HECW2: variants seen among roughly 807,000 people sequenced by gnomAD.
HECW2 encodes the protein HECT, C2 and WW domain containing E3 ubiquitin protein ligase 2.
HECW2 carries 61 observed loss-of-function variants against 175.2 expected under a neutral mutation model. The ratio of observed to expected loss-of-function variants is 0.35; its 90% CI spans 0.28 to 0.43. The LOEUF (loss-of-function observed/expected upper bound fraction) is 0.43, where lower values mean the gene tolerates loss of function less well. Among genes scored for constraint, HECW2 ranks in the 20% least tolerant of loss-of-function variants. HECW2 has a pLI of 1.00. For missense variants in HECW2, 1,524 were observed against 2,000.5 expected (o/e 0.76, Z 4.54); for synonymous variants, 671 against 731.0 (o/e 0.92, Z 1.32).
intron 2 of HECW2, among the ~76,000 whole-genome samples, chr2:196,396,947 T>TA (rs1694683185): frequency 6.6e-6 from 1 of 151,180 alleles, no homozygotes; most frequent in Non-Finnish European, 1.5e-5. Context: ...CCATCTCTAC[T>TA]AAAAATACAA....
intron 23 of HECW2, among the ~76,000 whole-genome samples, chr2:196,224,050 A>G (rs1391364566): frequency 6.6e-6 from 1 of 152,178 alleles, no homozygotes; most frequent in African/African-American, 2.4e-5. Flanking sequence ...GTTCAGTGGG[A>G]AAAAGTACCA....
intron 17 of HECW2, among the ~76,000 whole-genome samples, chr2:196,262,845 T>G (rs532850508): frequency 6.6e-6 from 1 of 152,216 alleles, no homozygotes; most frequent in South Asian, 2.1e-4. Flanking sequence ...AGGCACGAGC[T>G]ATGGTGCTCA....
rs763908067 is a variant in HECW2, at chr2:196,320,467, C to T, written c.885-28G>A. 94 of 1,463,302 alleles carry T rather than the reference C, an allele frequency of 6.4e-5. 3 individuals are homozygous for T. In the Middle Eastern group the frequency reaches 6.6e-3, roughly 102 times the overall value. The allele number at this position is 1,463,302 out of a possible 1,614,324, so 90.6% of individuals were successfully genotyped here. On this transcript the variant is annotated intron_variant, in intron 7 of 28. Transcript: ENST00000644978. ...GCAAGAAGAGAAATGCTTCTTTCATCCTGACTACGCTGGAGTCAGCCTTCG... is the reference window on the plus strand; with the variant it reads ...GCAAGAAGAGAAATGCTTCTTTCATTCTGACTACGCTGGAGTCAGCCTTCG...
At chr2:196,519,866 T>A (rs1688289389) in intron 1 of HECW2, among the ~76,000 whole-genome samples, 1 of 152,206 alleles carries the variant, frequency 6.6e-6, no homozygotes, top group South Asian at 2.1e-4. Flanking sequence ...CCAGGGGTAA[T>A]CAACTGACTA....
At chr2:196,508,792 C>A (rs920724857) in intron 1 of HECW2, among the ~76,000 whole-genome samples, 1 of 152,184 alleles carries the variant, frequency 6.6e-6, no homozygotes, top group Non-Finnish European at 1.5e-5. Flanking sequence ...AAACTTCATT[C>A]TTTCCTTTCA....
chr2:196,290,436 T>C (rs755576629), intron 14 of HECW2: 3 of 152,438 alleles, frequency 2.0e-5, no homozygotes, highest in Non-Finnish European at 4.4e-5. Flanking sequence ...TCTGGCAAGT[T>C]ATGACTGGCA....
chr2:196,532,671 TA>T (rs112896110), intron 1 of HECW2, among the ~76,000 whole-genome samples: 8,851 of 150,542 alleles, frequency 0.059, 861 homozygotes, highest in African/African-American at 0.2. Context: ...AAGTTAATAT[TA>T]AAAAAAAAAT....
chr2:196,294,815 A>C (rs538140713), intron 13 of HECW2, among the ~76,000 whole-genome samples: 1 of 152,296 alleles, frequency 6.6e-6, no homozygotes, highest in African/African-American at 2.4e-5. Flanking sequence ...GATGCTCCCC[A>C]GCCTGGCTCT....
chr2:196,271,729 A>G (rs1486559576), intron 16 of HECW2, among the ~76,000 whole-genome samples: 2 of 152,212 alleles, frequency 1.3e-5, no homozygotes, highest in Non-Finnish European at 1.5e-5. Flanking sequence ...ACATAGTGAG[A>G]ACTTGTTTCT....
chr2:196,325,199 G>A, intron 5 of HECW2, 50 bp from the exon 6 acceptor site: 1 of 1,409,552 alleles, frequency 7.1e-7, no homozygotes, highest in Non-Finnish European at 9.6e-7. Context: ...AAGCAGGAGG[G>A]AGGGAGGAAA....
At chr2:196,490,873 T>C (rs1687162050) in intron 1 of HECW2, among the ~76,000 whole-genome samples, 1 of 152,164 alleles carries the variant, frequency 6.6e-6, no homozygotes, top group African/African-American at 2.4e-5. Flanking sequence ...ATATATTGTA[T>C]GATTCTAGTT....
At chr2:196,521,282 C>CAAAAAAAAAAA (rs1158051512) in intron 1 of HECW2, among the ~76,000 whole-genome samples, 86 of 53,590 alleles carry the variant, frequency 1.6e-3, no homozygotes, top group Middle Eastern at 0.017. Flanking sequence ...ACGTGAGTAA[C>CAAAAAAAAAAA]AAAAAAAAAA....
At chr2:196,523,873 T>C (rs1688521641) in intron 1 of HECW2, among the ~76,000 whole-genome samples, 1 of 152,152 alleles carries the variant, frequency 6.6e-6, no homozygotes, top group African/African-American at 2.4e-5. Context: ...CTGGATTCGT[T>C]TTGCCAGTAT....
chr2:196,395,423 A>C (rs1438054891), intron 2 of HECW2, among the ~76,000 whole-genome samples: 1 of 152,200 alleles, frequency 6.6e-6, no homozygotes, highest in Non-Finnish European at 1.5e-5. Context: ...ATGGAAAAGC[A>C]ATATACAGAA....
chr2:196,394,902 C>T (rs1464583959), intron 2 of HECW2, among the ~76,000 whole-genome samples: 1 of 152,134 alleles, frequency 6.6e-6, no homozygotes, highest in Non-Finnish European at 1.5e-5. Flanking sequence ...TCTCATTTCC[C>T]TCTGAAGGCT....
rs372217836 is a variant in HECW2, at chr2:196,325,115, G to A, written c.606C>T (p.Phe202=). 3.7e-6 allele frequency: 6 copies of A among 1,607,894 alleles called. No homozygotes were observed. The highest frequency in any genetic ancestry group is 2.7e-5 in the African/African-American group (2 of 74,490). ...TCTTAAGATAAGGGTCAGGATTGAA[G>A]AACATCCCTTTCTTTAGCCCAACTG... The part of the protein sequence containing the change: ...LRAVGLKKGM[F]FNPDPYLKMS... Residue 202 remains phenylalanine, a synonymous_variant, in exon 6 of 29, where the codon TTC becomes TTT. Transcript: ENST00000644978.
intron 10 of HECW2, among the ~76,000 whole-genome samples, chr2:196,312,917 G>C (rs1559032011): frequency 6.6e-6 from 1 of 152,050 alleles, no homozygotes; most frequent in Non-Finnish European, 1.5e-5. Flanking sequence ...TCACTGCATG[G>C]TTTTAGGCCT....
chr2:196,209,640 C>T (rs1687191850), intron 28 of HECW2, among the ~76,000 whole-genome samples: 1 of 152,212 alleles, frequency 6.6e-6, no homozygotes, highest in South Asian at 2.1e-4. Context: ...ATCAGCTCAT[C>T]AGCAGGCGGT....
intron 2 of HECW2, 124 bp downstream of exon 2, chr2:196,433,008 A>G: frequency 2.5e-6 from 2 of 800,676 alleles, no homozygotes; most frequent in Non-Finnish European, 3.9e-6. Flanking sequence ...ATAAATTCCC[A>G]GAATCTGCTA....
Sources: gnomAD v4.1 joint callset for allele counts (sites outside exome capture counted in the v4.1 genomes callset) on GRCh38, gnomAD v4.1.1 for gene constraint, MANE v1.5 for transcripts, NCBI Gene and HGNC (gene_info 2026-07-23, HGNC 2026-07-21) for gene names.